Variants in CMSS1 observed in about 807,000 individuals in gnomAD.
CMSS1 encodes cms1 ribosomal small subunit homolog.
In CMSS1, 33 loss-of-function variants were observed where a neutral mutation model predicts 43.5. That is an observed-to-expected ratio of 0.76 (90% CI 0.57 to 1.01). The LOEUF (loss-of-function observed/expected upper bound fraction) is 1.01, where lower values mean the gene tolerates loss of function less well. Among genes scored for constraint, CMSS1 ranks in the 50% least tolerant of loss-of-function variants. The pLI is 0.00. For missense variants in CMSS1, 313 were observed against 326.4 expected, an observed-to-expected ratio of 0.96 and a Z score of 0.32; for synonymous variants, 115 against 117.2, an observed-to-expected ratio of 0.98 and a Z score of 0.12.
At position 100,016,261 on chromosome 3, in the gene CMSS1, C is replaced by T. The variant is rs375558691; in HGVS notation, c.65-130712C>T. On this transcript the variant is annotated intron_variant, in intron 1 of 9. Transcript: ENST00000421999. ...AGGCTGGAGTGCAATGGTGCGATCTCGGCTCACTGCAACCTCCGCCTCCTG... is the reference window on the plus strand; with the variant it reads ...AGGCTGGAGTGCAATGGTGCGATCTTGGCTCACTGCAACCTCCGCCTCCTG... Among the ~76,000 whole-genome samples, 301 of 152,218 alleles carry T rather than the reference C, an allele frequency of 2.0e-3. 4 individuals carry two copies. The East Asian group carries it at 0.022, about 11-fold the overall frequency.
intron 1 of CMSS1, among the ~76,000 whole-genome samples, chr3:100,125,210 G>T (rs1162126606): frequency 1.3e-5 from 2 of 152,130 alleles, no homozygotes; most frequent in African/African-American, 4.8e-5. Context: ...TTGTTATCAT[G>T]TTACTCTAGT....
intron 1 of CMSS1, among the ~76,000 whole-genome samples, chr3:100,062,164 T>A (rs1426025376): frequency 7.7e-6 from 1 of 129,276 alleles, no homozygotes; most frequent in African/African-American, 2.9e-5. Context: ...CAGGCTGGAG[T>A]GCAGTGGCGC....
rs1232702500 is a variant in CMSS1, at chr3:100,098,348, C to G, written c.65-48625C>G. On this transcript the variant is annotated intron_variant, in intron 1 of 9. Transcript: ENST00000421999. ...TTGAATGCCATTTCCACCATTTAAA[C>G]TGCTCTTTGACCTTAGGCCAGTTAC... Among the ~76,000 whole-genome samples, 2 of 152,196 alleles carry G rather than the reference C, an allele frequency of 1.3e-5. 1 individual carries two copies. Among genetic ancestry groups the G allele is most frequent in the East Asian group, 3.8e-4 (2 of 5,198 alleles).
chr3:100,140,938 T>C (rs2107507058), intron 1 of CMSS1, among the ~76,000 whole-genome samples: 1 of 152,308 alleles, frequency 6.6e-6, no homozygotes, highest in Admixed American at 6.5e-5. Context: ...AAAAACATAG[T>C]TTCTTTTCAG....
intron 1 of CMSS1, among the ~76,000 whole-genome samples, chr3:99,872,793 G>A (rs1229147138): frequency 6.6e-6 from 1 of 152,140 alleles, no homozygotes; most frequent in African/African-American, 2.4e-5. Flanking sequence ...TGAAGAGGGA[G>A]TGTTTCTCAT....
chr3:99,894,008 A>G (rs116649986), intron 1 of CMSS1, among the ~76,000 whole-genome samples: 1,923 of 152,306 alleles, frequency 0.013, 17 homozygotes, highest in Middle Eastern at 0.037. Context: ...AGTGAGATAC[A>G]TTTTGGAGGA....
chr3:100,095,986 G>A (rs887920257), intron 1 of CMSS1, among the ~76,000 whole-genome samples: 8 of 151,994 alleles, frequency 5.3e-5, no homozygotes, highest in African/African-American at 1.2e-4. Flanking sequence ...TTTCTCAAAC[G>A]AAGACATACA....
chr3:99,924,192 T>A, intron 1 of CMSS1: 1 of 1,579,664 alleles, frequency 6.3e-7, no homozygotes. Flanking sequence ...AGCTCATAGA[T>A]TGCAGAATGG....
chr3:100,020,228 A>G (rs751444964), intron 1 of CMSS1, among the ~76,000 whole-genome samples: 9 of 152,176 alleles, frequency 5.9e-5, no homozygotes, highest in African/African-American at 1.7e-4. Context: ...TCTGTTTCAC[A>G]TAATTCTTTG....
intron 1 of CMSS1, among the ~76,000 whole-genome samples, chr3:99,907,731 G>C (rs1477289222): frequency 6.6e-6 from 1 of 151,822 alleles, no homozygotes; most frequent in Non-Finnish European, 1.5e-5. Flanking sequence ...AATGATTTTT[G>C]TGTTCCCTTC....
At chr3:100,013,720 A>G (rs7610486) in intron 1 of CMSS1, among the ~76,000 whole-genome samples, 27,571 of 152,178 alleles carry the variant, frequency 0.18, 2,889 homozygotes, top group South Asian at 0.25. Flanking sequence ...AAAATTGTGT[A>G]CATTGACTGT....
chr3:100,037,861 C>T (rs1219160424), intron 1 of CMSS1, among the ~76,000 whole-genome samples: 3 of 152,064 alleles, frequency 2.0e-5, no homozygotes, highest in Non-Finnish European at 4.4e-5. Context: ...CTAATTTCTT[C>T]CTCACAATTA....
At chr3:99,857,053 G>A (rs1944000585) in intron 1 of CMSS1, among the ~76,000 whole-genome samples, 1 of 152,106 alleles carries the variant, frequency 6.6e-6, no homozygotes, top group South Asian at 2.1e-4. Context: ...GTCCTACAGT[G>A]TCTACCACAA....
At chr3:100,011,298 G>A (rs2107195094) in intron 1 of CMSS1, among the ~76,000 whole-genome samples, 1 of 152,258 alleles carries the variant, frequency 6.6e-6, no homozygotes, top group Admixed American at 6.5e-5. Context: ...GACACGTGTT[G>A]ATCTATTGAG....
At chr3:100,051,575 C>G (rs2065374035) in intron 1 of CMSS1, among the ~76,000 whole-genome samples, 1 of 134,130 alleles carries the variant, frequency 7.5e-6, no homozygotes, top group African/African-American at 2.8e-5. Context: ...TCTCATTGTT[C>G]ATTTCCCACC....
chr3:99,969,177 A>G (rs973426804), intron 1 of CMSS1, among the ~76,000 whole-genome samples: 1 of 152,180 alleles, frequency 6.6e-6, no homozygotes, highest in African/African-American at 2.4e-5. Flanking sequence ...ATTGAAAGAA[A>G]GTGCACAAGG....
chr3:100,101,527 T>G (rs2066305351), intron 1 of CMSS1, among the ~76,000 whole-genome samples: 1 of 152,160 alleles, frequency 6.6e-6, no homozygotes, highest in Admixed American at 6.5e-5. Flanking sequence ...TTGGAATTCT[T>G]GATTGTGGTG....
At chr3:100,103,488 T>A (rs2066342904) in intron 1 of CMSS1, among the ~76,000 whole-genome samples, 1 of 152,220 alleles carries the variant, frequency 6.6e-6, no homozygotes, top group Non-Finnish European at 1.5e-5. Context: ...ACTGAAGATC[T>A]AGAGTCTTTA....
chr3:99,831,045 A>G (rs1199266635), intron 1 of CMSS1, among the ~76,000 whole-genome samples: 1 of 152,214 alleles, frequency 6.6e-6, no homozygotes, highest in East Asian at 1.9e-4. Context: ...GGGCAGCTCC[A>G]ATGATGATTA....
Sources: allele counts gnomAD v4.1 joint callset (sites outside exome capture counted in the v4.1 genomes callset), GRCh38; gene constraint gnomAD v4.1.1; transcripts MANE v1.5; gene names NCBI Gene and HGNC (gene_info 2026-07-23, HGNC 2026-07-21).